The following SUSD4 variants were observed in gnomAD, a reference collection of about 807,000 sequenced individuals.
The protein encoded by SUSD4 is sushi domain containing 4.
Under a neutral mutation model 50.5 loss-of-function variants are expected in SUSD4, and 41 were observed. The ratio of observed to expected loss-of-function variants is 0.81; its 90% confidence interval spans 0.63 to 1.05. The LOEUF is 1.05. Among genes scored for constraint, SUSD4 ranks in the 50% least tolerant of loss-of-function variants. The probability of loss-of-function intolerance (pLI) is 0.00; values close to 1 mark genes in which losing one functional copy is unlikely to be tolerated. For missense variants in SUSD4, 580 were observed against 634.7 expected (o/e 0.91, Z 0.93); for synonymous variants, 257 against 257.3 (o/e 1.00, Z 0.01).
At chr1:223,353,582 ACT>A (rs1376628177) in intron 2 of SUSD4, among the ~76,000 whole-genome samples, 1 of 152,126 alleles carries the variant, frequency 6.6e-6, no homozygotes, top group Non-Finnish European at 1.5e-5. Context: ...TGGAGAGATC[ACT>A]CTCTAACAAT....
rs762359208 is a variant in SUSD4 at position 223,223,373 on chromosome 1, G to A, written c.1320C>T (p.Leu440=). 4 of 1,613,616 alleles carry A rather than the reference G, an allele frequency of 2.5e-6. No individual in the cohort carries two copies. The South Asian group carries it at 3.3e-5, about 13-fold the overall frequency. Residue 440 remains leucine, a synonymous_variant, in exon 8 of 9, where the codon CTC becomes CTT. Coordinates refer to ENST00000366878, the MANE Select transcript of SUSD4 (RefSeq NM_017982.4). ...ACCTGGGAGGTGAATACAGACTTTG[G>A]AGCAGCTCAGAAGAGCCTGAGACGC... is the stretch of plus-strand genomic sequence containing the variant. ...CDSVSGSSEL[L]QSLYSPPRCQ...
chr1:223,353,673 TGTGCAGG>T (rs1048878314), intron 2 of SUSD4, among the ~76,000 whole-genome samples: 1 of 152,144 alleles, frequency 6.6e-6, no homozygotes, highest in Non-Finnish European at 1.5e-5. Context: ...CCAAAAAATT[TGTGCAGG>T]GAGAATCTGT....
At chr1:223,300,175 G>C (rs1342246516) in intron 2 of SUSD4, among the ~76,000 whole-genome samples, 2 of 152,102 alleles carry the variant, frequency 1.3e-5, no homozygotes, top group African/African-American at 4.8e-5. Flanking sequence ...CCCTGGGGCT[G>C]ACACACCCTC....
In SUSD4 at chr1:223,363,406, G is replaced by A. The variant is rs757052563; in HGVS notation, c.20C>T (p.Pro7Leu). ...CTCTAGAAATCCATCTCCATTGCTC[G>A]GGTTCATTCCATGATACATCTTTCA... Reference protein sequence around the residue: MYHGMNPSNGDGFLEQQ... With the variant: MYHGMNLSNGDGFLEQQ... Residue 7 changes from proline to leucine, a missense_variant, in exon 2 of 9, where the codon CCG becomes CTG. Pro to Leu is a moderately conservative substitution (Grantham distance 98). Coordinates refer to ENST00000366878, the MANE Select transcript of SUSD4 (RefSeq NM_017982.4). The A allele has an allele frequency of 1.9e-5, 29 of 1,565,954 alleles. No individual in the cohort carries two copies. The East Asian group carries it at 6.3e-4, about 34-fold the overall frequency.
chr1:223,246,432 G>A (rs1271902361), intron 5 of SUSD4, among the ~76,000 whole-genome samples: 1 of 152,184 alleles, frequency 6.6e-6, no homozygotes, highest in Non-Finnish European at 1.5e-5. Context: ...CTGCAGGGAA[G>A]CAGTAAAGCA....
At chr1:223,360,273 G>A (rs755163710) in intron 2 of SUSD4, 92 of 469,970 alleles carry the variant, frequency 2.0e-4, no homozygotes, top group Non-Finnish European at 6.6e-5. Flanking sequence ...GGGCACTCTG[G>A]GCATCCCTCA....
Position 223,231,220 on chromosome 1 carries a change from A to G in SUSD4, c.725-1832T>C, listed in dbSNP as rs1457026965. Among the ~76,000 whole-genome samples, 2 of 152,028 alleles carry G rather than the reference A, an allele frequency of 1.3e-5. No homozygotes were observed. Among genetic ancestry groups the G allele is most frequent in the Non-Finnish European group, 2.9e-5 (2 of 67,980 alleles). ...AAGTAGCCTGGTTCTCCACCTGCCCACCCTCCAGGCTCCCTCTGGACAAAG... is the reference window on the plus strand; with the variant it reads ...AAGTAGCCTGGTTCTCCACCTGCCCGCCCTCCAGGCTCCCTCTGGACAAAG... On this transcript the variant is annotated intron_variant, in intron 5 of 8. Coordinates refer to ENST00000366878, the MANE Select transcript of SUSD4 (RefSeq NM_017982.4). The surrounding 1 kb of genome is among the most constrained non-coding windows in gnomAD (Gnocchi z 4.2).
At chr1:223,320,810 AAGCTG>A (rs1666529643) in intron 2 of SUSD4, among the ~76,000 whole-genome samples, 1 of 152,172 alleles carries the variant, frequency 6.6e-6, no homozygotes, top group Admixed American at 6.5e-5. Context: ...CACAAGCCCC[AAGCTG>A]AGGACCTGGC....
At chr1:223,252,219 TAA>T (rs68004270) in intron 5 of SUSD4, among the ~76,000 whole-genome samples, 8,950 of 128,618 alleles carry the variant, frequency 0.07, 295 homozygotes, top group Non-Finnish European at 0.088. Context: ...AAAGTATAAT[TAA>T]AAAAAAAAAA....
intron 2 of SUSD4, among the ~76,000 whole-genome samples, chr1:223,300,939 A>T (rs1257077406): frequency 6.6e-6 from 1 of 152,218 alleles, no homozygotes; most frequent in Non-Finnish European, 1.5e-5. Flanking sequence ...TAAAAGAATC[A>T]TAAAAATGAA....
intron 3 of SUSD4, among the ~76,000 whole-genome samples, chr1:223,272,260 T>A (rs191835285): frequency 6.6e-6 from 1 of 152,334 alleles, no homozygotes; most frequent in East Asian, 1.9e-4. Context: ...AGAACTTACG[T>A]GTATGAGGCA....
chr1:223,363,701 G>A (rs1669143205), intron 1 of SUSD4: 2 of 433,462 alleles, frequency 4.6e-6, no homozygotes, highest in Non-Finnish European at 8.3e-6. Flanking sequence ...CAGGAGGGAG[G>A]GCAGGGGTTA....
rs147728507 is a variant in SUSD4 at position 223,329,813 on chromosome 1, A to AATGG, written c.148+33461_148+33464dup. Among the ~76,000 whole-genome samples the AATGG allele has an allele frequency of 5.2e-3, 794 of 152,152 alleles. 5 individuals are homozygous for AATGG. Among genetic ancestry groups the AATGG allele is most frequent in the Middle Eastern group, 0.024 (7 of 294 alleles). On this transcript the variant is annotated intron_variant, in intron 2 of 8. Coordinates refer to ENST00000366878, the MANE Select transcript of SUSD4 (RefSeq NM_017982.4). ...AGATAGAGAGATGAATAGATAAATG[A>AATGG]ATGGATGGATGGATGGATGGATGAT...
intron 2 of SUSD4, among the ~76,000 whole-genome samples, chr1:223,333,874 C>T (rs762985037): frequency 5.3e-5 from 8 of 152,116 alleles, no homozygotes; most frequent in Non-Finnish European, 1.0e-4. Flanking sequence ...GCCCCAGACT[C>T]GGAGAAAACG....
intron 2 of SUSD4, among the ~76,000 whole-genome samples, chr1:223,331,753 T>A (rs1829309): frequency 0.53 from 80,497 of 151,984 alleles, 21,327 homozygotes; most frequent in African/African-American, 0.55. Flanking sequence ...GACCAAGCCA[T>A]CTGCTCCCCA....
intron 2 of SUSD4, among the ~76,000 whole-genome samples, chr1:223,311,766 C>T (rs144362546): frequency 5.7e-4 from 87 of 152,266 alleles, no homozygotes; most frequent in African/African-American, 2.1e-3. Context: ...TCTCTAGTGT[C>T]GAAATGCAGA....
intron 2 of SUSD4, among the ~76,000 whole-genome samples, chr1:223,296,077 C>T (rs185133840): frequency 2.9e-4 from 44 of 152,138 alleles, no homozygotes; most frequent in Non-Finnish European, 4.7e-4. Flanking sequence ...TGGGGTGGGG[C>T]TGCTCTTGGA....
intron 3 of SUSD4, among the ~76,000 whole-genome samples, chr1:223,270,576 C>A (rs1212637390): frequency 6.6e-6 from 1 of 152,082 alleles, no homozygotes; most frequent in Non-Finnish European, 1.5e-5. Context: ...AAGGGGTTTT[C>A]TTTTCCTTTT....
At chr1:223,340,258 GC>G (rs1692308644) in intron 2 of SUSD4, among the ~76,000 whole-genome samples, 2 of 152,206 alleles carry the variant, frequency 1.3e-5, no homozygotes, top group African/African-American at 4.8e-5. Context: ...TGTTCAGACA[GC>G]TCAGCTCTTG....
Sources: allele counts gnomAD v4.1 joint callset (sites outside exome capture counted in the v4.1 genomes callset), GRCh38; gene constraint gnomAD v4.1.1; non-coding constraint Gnocchi (gnomAD v3.1); transcripts MANE v1.5; gene names NCBI Gene and HGNC (gene_info 2026-07-23, HGNC 2026-07-21).